The following MID2 variants were observed in gnomAD, a reference collection of about 807,000 sequenced individuals.
The protein encoded by MID2 is probable E3 ubiquitin-protein ligase MID2.
In MID2, 13 loss-of-function variants were observed where a neutral mutation model predicts 46.1. That is an observed-to-expected ratio of 0.28 (90% CI 0.18 to 0.45). The LOEUF is 0.45. MID2 is among the 20% of genes least tolerant of loss of function. The pLI is 1.00. For missense variants in MID2, 431 were observed against 575.4 expected (o/e 0.75, Z 2.57); for synonymous variants, 199 against 212.3 (o/e 0.94, Z 0.55).
At chrX:107,890,557 C>T (rs910500732) in intron 3 of MID2, among the ~76,000 whole-genome samples, 6 of 112,182 alleles carry the variant, frequency 5.3e-5, no homozygotes, top group East Asian at 2.8e-4. Context: ...TTAGGCTACT[C>T]GGGGGTTAGG....
At chrX:107,861,803 C>T (rs974938056) in intron 3 of MID2, among the ~76,000 whole-genome samples, 3 of 112,272 alleles carry the variant, frequency 2.7e-5, no homozygotes, top group Non-Finnish European at 5.6e-5. Flanking sequence ...ACTAGATCCA[C>T]TGCGTTCATC....
chrX:107,911,224 C>T (rs1035040519), intron 5 of MID2, among the ~76,000 whole-genome samples: 4 of 110,836 alleles, frequency 3.6e-5, no homozygotes, highest in Non-Finnish European at 1.9e-5. Context: ...GACTGGTGAC[C>T]TCTAGCTCTG....
chrX:107,914,142 C>T (rs969685166), intron 5 of MID2, among the ~76,000 whole-genome samples: 3 of 112,301 alleles, frequency 2.7e-5, no homozygotes, highest in Non-Finnish European at 5.6e-5. Context: ...TAATGTCTTT[C>T]TCCTTCATGA....
intron 1 of MID2, among the ~76,000 whole-genome samples, chrX:107,832,887 A>G (rs1931120785): frequency 9.0e-6 from 1 of 111,257 alleles, no homozygotes; most frequent in Non-Finnish European, 1.9e-5. Flanking sequence ...TTTTCTAATC[A>G]TGGTGTTCTA....
At chrX:107,916,180 T>A in intron 6 of MID2, 51 bp downstream of exon 6, 1 of 966,707 alleles carries the variant, frequency 1.0e-6, no homozygotes, top group Non-Finnish European at 1.4e-6. Flanking sequence ...TCTTCTGGTA[T>A]GCTTTTACTT....
At position 107,927,447 on chromosome X, in the gene MID2, G is replaced by T. The variant is rs777994799; in HGVS notation, c.*374G>T. ...GAATAAGGAGCTAGCAAGCCAGAGC[G>T]GGGGGTGGTCAGCCTTTCTAGTACT... On this transcript the variant is annotated 3_prime_UTR_variant, in exon 10 of 10. Transcript: ENST00000262843. Among the ~76,000 whole-genome samples the T allele has an allele frequency of 9.0e-6, 1 of 111,481 alleles. No individual in the cohort carries two copies. Among genetic ancestry groups the T allele is most frequent in the African/African-American group, 3.3e-5 (1 of 30,718 alleles).
intron 3 of MID2, among the ~76,000 whole-genome samples, chrX:107,855,236 T>C (rs1931716840): frequency 1.8e-5 from 2 of 111,874 alleles, no homozygotes; most frequent in Admixed American, 1.9e-4. Flanking sequence ...CCACTTATTC[T>C]TGTCATCAAC....
chrX:107,906,736 C>T (rs1244729302), intron 5 of MID2, among the ~76,000 whole-genome samples: 4 of 111,522 alleles, frequency 3.6e-5, no homozygotes, highest in African/African-American at 6.5e-5. Flanking sequence ...TAGGCATGCA[C>T]CACCATGCCT....
chrX:107,897,215 G>T lies in MID2; in HGVS notation c.817-6743G>T, dbSNP rs142743890. ...TAGTTATACTTCTAGAAATGGCTTG[G>T]CTGCCACCTCCCCATCCACACTACT... is the stretch of plus-strand genomic sequence containing the variant. On this transcript the variant is annotated intron_variant, in intron 3 of 9. Transcript: ENST00000262843. Among the ~76,000 whole-genome samples the T allele has an allele frequency of 3.0e-3, 329 of 110,893 alleles. 1 individual carries two copies. The highest frequency in any genetic ancestry group is 0.01 in the African/African-American group (319 of 30,488).
At chrX:107,867,489 T>A (rs1439096374) in intron 3 of MID2, among the ~76,000 whole-genome samples, 4 of 110,976 alleles carry the variant, frequency 3.6e-5, no homozygotes, top group Non-Finnish European at 5.7e-5. Flanking sequence ...AAGTTTATAC[T>A]GCCCCTCTGC....
intron 3 of MID2, among the ~76,000 whole-genome samples, chrX:107,900,170 T>C (rs1243695282): frequency 9.0e-6 from 1 of 111,500 alleles, no homozygotes; most frequent in African/African-American, 3.3e-5. Context: ...TTATCTCCCC[T>C]GATGTGACTG....
chrX:107,867,362 C>A (rs1931979825), intron 3 of MID2, among the ~76,000 whole-genome samples: 1 of 107,960 alleles, frequency 9.3e-6, no homozygotes, highest in Non-Finnish European at 1.9e-5. Flanking sequence ...GGGGTTTCAC[C>A]TTGTTGGCCA....
Position 107,872,114 on chromosome X carries a change from A to G in MID2, c.816+17410A>G, listed in dbSNP as rs767791945. ...GACTGGTCTTAGCTACTTCCTGTTT[A>G]CAGGGGGTGTGAGTATGGGAAGAAC... On this transcript the variant is annotated intron_variant, in intron 3 of 9. Coordinates refer to ENST00000262843, the MANE Select transcript of MID2 (RefSeq NM_012216.4). 2.5e-4 allele frequency among the ~76,000 whole-genome samples: 28 copies of G among 111,355 alleles called. 1 individual carries two copies. The South Asian group carries it at 0.011, about 43-fold the overall frequency.
At chrX:107,836,801 A>G (rs1185665975) in intron 1 of MID2, among the ~76,000 whole-genome samples, 4 of 111,627 alleles carry the variant, frequency 3.6e-5, no homozygotes, top group African/African-American at 1.3e-4. Flanking sequence ...AAATTGGCTA[A>G]AACAGTTAAT....
chrX:107,890,428 C>T (rs1353720800), intron 3 of MID2, among the ~76,000 whole-genome samples: 4 of 112,080 alleles, frequency 3.6e-5, no homozygotes, highest in Non-Finnish European at 7.5e-5. Context: ...GGCTGCAGAA[C>T]AGTGGATATT....
intron 2 of MID2, among the ~76,000 whole-genome samples, chrX:107,843,950 A>G (rs747632158): frequency 8.2e-5 from 9 of 109,680 alleles, no homozygotes; most frequent in African/African-American, 3.0e-4. Flanking sequence ...TGTAGGAGAT[A>G]TATACTATAC....
Position 107,916,090 on chromosome X carries a change from A to G in MID2, c.1162A>G (p.Arg388Gly). Residue 388 changes from arginine to glycine, a missense_variant, in exon 6 of 10, where the codon AGA (arginine) becomes GGA (glycine). Coordinates refer to ENST00000262843, the MANE Select transcript of MID2 (RefSeq NM_012216.4). Reference sequence around the variant, plus strand: ...TGAAAACTTTGCTTTAGATTTTTCCAGAGAAAAGAAACTGCTAGAGGGGTT... The same window carrying G: ...TGAAAACTTTGCTTTAGATTTTTCCGGAGAAAAGAAACTGCTAGAGGGGTT... The part of the protein sequence containing the change: ...AFENFALDFS[R>G]EKKLLEGLDY... 4 of 1,205,091 alleles carry G rather than the reference A, an allele frequency of 3.3e-6. No homozygotes were observed. Among genetic ancestry groups the G allele is most frequent in the Non-Finnish European group, 4.5e-6 (4 of 891,322 alleles).
In MID2 at chrX:107,903,940, T is replaced by C; in HGVS notation, c.817-18T>C. ...AAAGGCAACAATCACTGTGTAATAC[T>C]CTGAAATTTCTTGGCAGGTGAATAC... On this transcript the variant is annotated intron_variant, in intron 3 of 9. Transcript: ENST00000262843. 2.7e-6 allele frequency: 3 copies of C among 1,128,315 alleles called. No homozygotes were observed. In the South Asian group the frequency reaches 5.5e-5, roughly 21 times the overall value. The allele number at this position is 1,128,315 out of a possible 1,213,427, so 93.0% of individuals were successfully genotyped here.
chrX:107,890,020 T>A (rs1408243632), intron 3 of MID2, among the ~76,000 whole-genome samples: 1 of 111,669 alleles, frequency 9.0e-6, no homozygotes, highest in Non-Finnish European at 1.9e-5. Flanking sequence ...GCCATTCATG[T>A]AATTTTTTTT....
Sources: gnomAD v4.1 joint callset for allele counts (sites outside exome capture counted in the v4.1 genomes callset) on GRCh38, gnomAD v4.1.1 for gene constraint, MANE v1.5 for transcripts, NCBI Gene and HGNC (gene_info 2026-07-23, HGNC 2026-07-21) for gene names.